Variants in POM121 observed in about 807,000 individuals in gnomAD.
The protein encoded by POM121 is nuclear envelope pore membrane protein POM 121.
Under a neutral mutation model 81.3 loss-of-function variants are expected in POM121, and 32 were observed. That is an observed-to-expected ratio of 0.39 (90% CI 0.30 to 0.53). The LOEUF (loss-of-function observed/expected upper bound fraction) is 0.53, where lower values mean the gene tolerates loss of function less well. POM121 is among the 20% of genes least tolerant of loss of function. The pLI is 0.66. For synonymous variants in POM121, 514 were observed against 694.2 expected (o/e 0.74, Z 4.08); for missense variants, 1,138 against 1,614.6 (o/e 0.70, Z 5.06).
intron 1 of POM121, among the ~76,000 whole-genome samples, chr7:72,882,793 C>T (rs554663873): frequency 4.6e-5 from 7 of 152,318 alleles, no homozygotes; most frequent in Admixed American, 3.9e-4. Flanking sequence ...CATTTCACTT[C>T]TCAGTGTTTT....
Position 72,946,305 on chromosome 7 carries a change from C to T in POM121, c.*71C>T, listed in dbSNP as rs1797687699. ...GACCTTGGCACCTGCTAGGAAGAGC[C>T]TTGGACCCTTCCAGTTGCGTAAAGC... On this transcript the variant is annotated 3_prime_UTR_variant, in exon 13 of 13. Transcript: ENST00000434423. 3 of 1,571,860 alleles carry T rather than the reference C, an allele frequency of 1.9e-6. No individual in the cohort carries two copies. The highest frequency in any genetic ancestry group is 2.6e-6 in the Non-Finnish European group (3 of 1,159,988).
At chr7:72,931,672 G>A (rs1796036550) in intron 5 of POM121, among the ~76,000 whole-genome samples, 1 of 151,588 alleles carries the variant, frequency 6.6e-6, no homozygotes, top group Admixed American at 6.6e-5. Context: ...CTGAGTTCAA[G>A]CGATTCTCCT....
At chr7:72,939,266 G>A in intron 6 of POM121, 70 bp from the exon 7 acceptor site, 1 of 1,570,978 alleles carries the variant, frequency 6.4e-7, no homozygotes, top group South Asian at 1.2e-5. Flanking sequence ...AGTTAGGAGG[G>A]TGTGAGAAAT....
At chr7:72,888,161 G>A (rs1790920564) in intron 1 of POM121, among the ~76,000 whole-genome samples, 1 of 151,594 alleles carries the variant, frequency 6.6e-6, no homozygotes, top group Non-Finnish European at 1.5e-5. Flanking sequence ...ACCACACCTG[G>A]CCTGGATCCA....
At chr7:72,949,461 C>T (rs545821778), downstream of POM121, 9 of 1,584,254 alleles carry the variant, frequency 5.7e-6, no homozygotes, top group African/African-American at 1.1e-4. Context: ...ATGCCAGCCG[C>T]CTGGCATCCA....
intron 3 of POM121, among the ~76,000 whole-genome samples, chr7:72,906,152 A>AT (rs1793213675): frequency 6.6e-6 from 1 of 152,156 alleles, no homozygotes; most frequent in Non-Finnish European, 1.5e-5. Flanking sequence ...CCTAACATCG[A>AT]TTTCCTTAAA....
chr7:72,917,427 C>T (rs1226867324), intron 4 of POM121, among the ~76,000 whole-genome samples: 2 of 152,146 alleles, frequency 1.3e-5, no homozygotes, highest in African/African-American at 4.8e-5. Context: ...CCGTGTAACA[C>T]CTGAGTGCTT....
intron 1 of POM121, among the ~76,000 whole-genome samples, chr7:72,882,608 G>T (rs1446122435): frequency 6.6e-6 from 1 of 152,106 alleles, no homozygotes; most frequent in Non-Finnish European, 1.5e-5. Flanking sequence ...TTTTTCCAGG[G>T]ACGGAAATAT....
At chr7:72,928,266 G>T in intron 3 of POM121, 119 bp from the exon 4 acceptor site, 2 of 1,357,804 alleles carry the variant, frequency 1.5e-6, no homozygotes, top group Non-Finnish European at 2.0e-6. Context: ...CCATTTTCTG[G>T]TCTATCATGG....
intron 1 of POM121, among the ~76,000 whole-genome samples, chr7:72,890,012 C>A (rs537793678): frequency 2.0e-5 from 3 of 152,252 alleles, no homozygotes; most frequent in African/African-American, 4.8e-5. Flanking sequence ...CATTCTGCAC[C>A]TTGTCTGCAT....
At chr7:72,938,261 C>G (rs1796714530) in intron 5 of POM121, among the ~76,000 whole-genome samples, 1 of 150,018 alleles carries the variant, frequency 6.7e-6, no homozygotes. Context: ...GGGTCTCACT[C>G]TGTCACCCAG....
At chr7:72,949,740 G>A (rs1348267045), downstream of POM121, 7 of 792,182 alleles carry the variant, frequency 8.8e-6, no homozygotes, top group Non-Finnish European at 1.6e-5. Flanking sequence ...AACTACTTTG[G>A]TGCAGCAGGA....
At chr7:72,912,720 A>G (rs1375427538) in intron 3 of POM121, among the ~76,000 whole-genome samples, 8 of 152,186 alleles carry the variant, frequency 5.3e-5, no homozygotes, top group Admixed American at 4.6e-4. Context: ...CAGAGGTTGC[A>G]GTGAGCCGAG....
At chr7:72,939,730 T>C in intron 7 of POM121, 117 bp from the exon 8 acceptor site, 1 of 1,607,616 alleles carries the variant, frequency 6.2e-7, no homozygotes, top group South Asian at 1.1e-5. Flanking sequence ...CCATAGAAGA[T>C]TGAATCTTTT....
intron 1 of POM121, among the ~76,000 whole-genome samples, chr7:72,887,144 C>T (rs1237045904): frequency 1.9e-4 from 29 of 152,042 alleles, no homozygotes; most frequent in Middle Eastern, 3.4e-3. Flanking sequence ...CTTTTTTCCA[C>T]GATACTGTTC....
intron 1 of POM121, among the ~76,000 whole-genome samples, chr7:72,889,848 G>A (rs1248054450): frequency 1.9e-4 from 29 of 152,018 alleles, no homozygotes; most frequent in African/African-American, 7.0e-4. Flanking sequence ...GCTGCTTCAT[G>A]TTTGCCATTG....
rs1554501832 is a variant in POM121, at chr7:72,942,831, C to T, written c.2838C>T (p.Pro946=). ...PTLTFSNTST[P]TFNIPFGSSA... Reference sequence around the variant, plus strand: ...TGACGTTCAGTAACACGAGCACCCCCACGTTCAACATTCCCTTTGGCTCAA... The same window carrying T: ...TGACGTTCAGTAACACGAGCACCCCTACGTTCAACATTCCCTTTGGCTCAA... The change falls in exon 11 of 13, where the codon CCC becomes CCT. Residue 946 remains proline (P), a synonymous_variant. Transcript: ENST00000434423. 7.7e-6 allele frequency: 12 copies of T among 1,560,994 alleles called. No individual in the cohort carries two copies. Among genetic ancestry groups the T allele is most frequent in the Non-Finnish European group, 1.0e-5 (12 of 1,156,022 alleles).
intron 3 of POM121, among the ~76,000 whole-genome samples, chr7:72,894,473 G>T (rs1791651690): frequency 6.6e-6 from 1 of 151,946 alleles, no homozygotes; most frequent in African/African-American, 2.4e-5. Flanking sequence ...AGCTAGTCAG[G>T]AGGCTGAGGC....
intron 3 of POM121, among the ~76,000 whole-genome samples, chr7:72,900,040 C>T (rs565503884): frequency 1.3e-5 from 2 of 152,318 alleles, no homozygotes; most frequent in African/African-American, 4.8e-5. Flanking sequence ...TATTAGGCAT[C>T]ACTCCAAAAC....
Sources: gnomAD v4.1 joint callset for allele counts (sites outside exome capture counted in the v4.1 genomes callset) on GRCh38, gnomAD v4.1.1 for gene constraint, MANE v1.5 for transcripts, NCBI Gene and HGNC (gene_info 2026-07-23, HGNC 2026-07-21) for gene names.